BAIAP3: variants seen among roughly 807,000 people sequenced by gnomAD.
BAIAP3 encodes the protein BAI1-associated protein 3.
BAIAP3 carries 180 observed loss-of-function variants against 149.7 expected under a neutral mutation model. The ratio of observed to expected loss-of-function variants is 1.20; its 90% CI spans 1.07 to 1.36. The LOEUF (loss-of-function observed/expected upper bound fraction) is 1.36. Among genes scored for constraint, BAIAP3 ranks in the 40% most tolerant of loss-of-function variants. The pLI is 0.00. For missense variants in BAIAP3, 1,767 were observed against 1,563.4 expected, an observed-to-expected ratio of 1.13 and a Z score of -2.20; for synonymous variants, 845 against 670.7, an observed-to-expected ratio of 1.26 and a Z score of -4.02.
Position 1,347,465 on chromosome 16 carries a change from C to T in BAIAP3, c.2824-80C>T. ...GCTGTGTCCTTGAGCATGAGGTGGC[C>T]CCACGGGCAGTCAGGTCTCCAAGTG... On this transcript the variant is annotated intron_variant, in intron 29 of 33. Coordinates refer to ENST00000426824, the MANE Select transcript of BAIAP3 (RefSeq NM_001199097.2). 4.4e-6 allele frequency: 7 copies of T among 1,580,538 alleles called. No homozygotes were observed. In the South Asian group the frequency reaches 5.7e-5, roughly 13 times the overall value.
chr16:1,339,177 G>A lies in BAIAP3; in HGVS notation c.233G>A (p.Ser78Asn), dbSNP rs971021071. 6 of 1,566,672 alleles carry A rather than the reference G, an allele frequency of 3.8e-6. No homozygotes were observed. The highest frequency in any genetic ancestry group is 5.2e-6 in the Non-Finnish European group (6 of 1,157,444). Residue 78 changes from serine (S) to asparagine (N), a missense_variant, in exon 4 of 34, where the codon AGT becomes AAT. Coordinates refer to ENST00000426824, the MANE Select transcript of BAIAP3 (RefSeq NM_001199097.2). ...CCCCACACACAGGTCCCCCTGCGCA[G>A]TGGCTCGCCAGCACCCCCGGAGCCT... ...GLPCLEVPLR[S>N]GSPAPPEPVD...
intron 15 of BAIAP3, among the ~76,000 whole-genome samples, 155 bp downstream of exon 15, chr16:1,343,668 G>A (rs1342134891): frequency 1.3e-5 from 2 of 152,260 alleles, no homozygotes; most frequent in Non-Finnish European, 2.9e-5. Context: ...CCAGCGCTCT[G>A]CAGAAAGGAG....
chr16:1,347,250 A>T (rs779496840), intron 28 of BAIAP3, 48 bp from the exon 29 acceptor site: 24 of 1,588,268 alleles, frequency 1.5e-5, no homozygotes, highest in Non-Finnish European at 2.1e-5. Context: ...ACCTGTCCCC[A>T]GCACAAGCCA....
Position 1,344,129 on chromosome 16 carries a change from C to T in BAIAP3, c.1494C>T (p.Arg498=). The change falls in exon 16 of 34, where the codon CGC becomes CGT. Residue 498 remains arginine, a synonymous_variant. Coordinates refer to ENST00000426824, the MANE Select transcript of BAIAP3 (RefSeq NM_001199097.2). ...CCACCAACAGCACCGCTGTCCACCG[C>T]CTGGAGCTGCTGCTGAAGTGGGTGC... ...FPATNSTAVH[R]LELLLKCLGK... The T allele has an allele frequency of 6.2e-7, 1 of 1,612,010 alleles. No homozygotes were observed. The highest frequency in any genetic ancestry group is 1.1e-5 in the South Asian group (1 of 91,080).
At chr16:1,345,127 G>A (rs756565612) in intron 21 of BAIAP3, 28 bp downstream of exon 21, 1 of 1,612,154 alleles carries the variant, frequency 6.2e-7, no homozygotes, top group Non-Finnish European at 8.5e-7. Flanking sequence ...ATCTCTTGCA[G>A]ACAGACTTTG....
Position 1,344,677 on chromosome 16 carries a change from T to C in BAIAP3, c.1736T>C (p.Val579Ala). 1 of 1,613,536 alleles carries C rather than the reference T, an allele frequency of 6.2e-7. No individual in the cohort carries two copies. The change falls in exon 19 of 34, where the codon GTG becomes GCG. Residue 579 changes from valine to alanine, a missense_variant. Transcript: ENST00000426824. The stretch of plus-strand genomic sequence containing the variant: ...GATGACCTTCAGTTCTGCTACAGTG[T>C]GTACGCCAGCCTCTTCCACAGGTGG... ...VYDDLQFCYS[V>A]YASLFHSILN...
chr16:1,338,736 T>G lies in BAIAP3; in HGVS notation c.131+56T>G, dbSNP rs1001327512. 2.1e-5 allele frequency: 33 copies of G among 1,561,038 alleles called. No individual in the cohort carries two copies. In the African/African-American group the frequency reaches 4.1e-4, roughly 19 times the overall value. Reference sequence around the variant, plus strand: ...CCACAGGGCCATTTCCCGCCAGACTTCACACATGGCCGCCCCTGCCCCAGC... The same window carrying G: ...CCACAGGGCCATTTCCCGCCAGACTGCACACATGGCCGCCCCTGCCCCAGC... On this transcript the variant is annotated intron_variant, in intron 2 of 33. Coordinates refer to ENST00000426824, the MANE Select transcript of BAIAP3 (RefSeq NM_001199097.2).
chr16:1,346,723 T>G (rs965415339), intron 27 of BAIAP3, 39 bp downstream of exon 27: 37 of 1,516,012 alleles, frequency 2.4e-5, no homozygotes, highest in Non-Finnish European at 3.1e-5. Context: ...GGCTGGCCCG[T>G]GGTCACTGAG....
chr16:1,345,103 G>A lies in BAIAP3; in HGVS notation c.1940+4G>A. The stretch of plus-strand genomic sequence containing the variant: ...TCTGGGATAGCATCCCTGGCCGGTG[G>A]GTGCCCCGTCCCTATCTCTTGCAGA... On this transcript the variant is annotated splice_donor_region_variant and intron_variant, in intron 21 of 33. Transcript: ENST00000426824. 6.2e-7 allele frequency: 1 copy of A among 1,612,498 alleles called. No individual in the cohort carries two copies. Among genetic ancestry groups the A allele is most frequent in the Non-Finnish European group, 8.5e-7 (1 of 1,179,970 alleles).
rs1048988383 is a variant in BAIAP3, at chr16:1,344,109, A to G, written c.1474A>G (p.Asn492Asp). 2 of 1,611,884 alleles carry G rather than the reference A, an allele frequency of 1.2e-6. No individual in the cohort carries two copies. Among genetic ancestry groups the G allele is most frequent in the Admixed American group, 3.3e-5 (2 of 59,992 alleles). Residue 492 changes from asparagine to aspartate, a missense_variant, in exon 16 of 34, where the codon AAC becomes GAC. By Grantham distance (23) the Asn-to-Asp change is conservative (BLOSUM62 1). Coordinates refer to ENST00000426824, the MANE Select transcript of BAIAP3 (RefSeq NM_001199097.2). Reference sequence around the variant, plus strand: ...GCTCCGAGACTACTTCCCTGCCACCAACAGCACCGCTGTCCACCGCCTGGA... The same window carrying G: ...GCTCCGAGACTACTTCCCTGCCACCGACAGCACCGCTGTCCACCGCCTGGA... ...RQLRDYFPAT[N>D]STAVHRLELL...
Position 1,342,282 on chromosome 16 carries a change from G to C in BAIAP3, c.956G>C (p.Arg319Pro), listed in dbSNP as rs765903886. ...DFLGCLNIPVREVPVAGVDRW... is the reference protein window; with the variant it reads ...DFLGCLNIPVPEVPVAGVDRW... Reference sequence around the variant, plus strand: ...CTGGGGTGCCTCAACATACCTGTCCGGGTGAGTGGGTGTGGGGTGGGGCTG... The same window carrying C: ...CTGGGGTGCCTCAACATACCTGTCCCGGTGAGTGGGTGTGGGGTGGGGCTG... The change falls in exon 11 of 34, where the codon CGG (arginine) becomes CCG (proline). Residue 319 changes from arginine (R) to proline (P), a missense_variant and splice_region_variant. Physicochemically the swap from Arg to Pro is moderately radical, Grantham distance 103. Coordinates refer to ENST00000426824, the MANE Select transcript of BAIAP3 (RefSeq NM_001199097.2). 2 of 1,611,816 alleles carry C rather than the reference G, an allele frequency of 1.2e-6. No homozygotes were observed. Among genetic ancestry groups the C allele is most frequent in the African/African-American group, 2.7e-5 (2 of 74,904 alleles).
chr16:1,334,311 G>C (rs539929882), intron 1 of BAIAP3, among the ~76,000 whole-genome samples: 24 of 152,268 alleles, frequency 1.6e-4, no homozygotes, highest in African/African-American at 4.3e-4. Context: ...CGGGGTCTCC[G>C]GGGGAGGAGT....
chr16:1,347,769 G>A lies in BAIAP3; in HGVS notation c.2973G>A (p.Arg991=). Residue 991 remains arginine, a synonymous_variant, in exon 31 of 34, where the codon CGG becomes CGA. Coordinates refer to ENST00000426824, the MANE Select transcript of BAIAP3 (RefSeq NM_001199097.2). ...VRCHYEAAEQ[R]LAVEVLHAAD... Reference sequence around the variant, plus strand: ...GCCATTACGAGGCGGCTGAGCAGCGGCTGGCCGTGGAGGTGCTGCACGCCG... The same window carrying A: ...GCCATTACGAGGCGGCTGAGCAGCGACTGGCCGTGGAGGTGCTGCACGCCG... 6.2e-7 allele frequency: 1 copy of A among 1,609,388 alleles called. No homozygotes were observed. Among genetic ancestry groups the A allele is most frequent in the Middle Eastern group, 1.7e-4 (1 of 6,050 alleles).
At position 1,336,860 on chromosome 16, in the gene BAIAP3, C is replaced by T. The variant is rs574753827; in HGVS notation, c.-10-1680C>T. On this transcript the variant is annotated intron_variant, in intron 1 of 33. Coordinates refer to ENST00000426824, the MANE Select transcript of BAIAP3 (RefSeq NM_001199097.2). ...GGCCAGTGTGCCCAGCCCGGAGGCACCCTCCGCAGGTGGATGAGGGAGCAC... is the reference window on the plus strand; with the variant it reads ...GGCCAGTGTGCCCAGCCCGGAGGCATCCTCCGCAGGTGGATGAGGGAGCAC... 5.9e-5 allele frequency among the ~76,000 whole-genome samples: 9 copies of T among 152,310 alleles called. No homozygotes were observed. In the East Asian group the frequency reaches 1.4e-3, roughly 23 times the overall value.
At chr16:1,334,390 C>T (rs568768013) in intron 1 of BAIAP3, 5 of 498,104 alleles carry the variant, frequency 1.0e-5, no homozygotes, top group Admixed American at 6.6e-5. Flanking sequence ...GGGGAGAGAC[C>T]CCCATAGAAC....
In BAIAP3 at chr16:1,345,877, C is replaced by G. The variant is rs2141608491; in HGVS notation, c.2195C>G (p.Thr732Ser). 6.3e-7 allele frequency: 1 copy of G among 1,576,848 alleles called. No homozygotes were observed. Among genetic ancestry groups the G allele is most frequent in the East Asian group, 2.3e-5 (1 of 43,414 alleles). The change falls in exon 23 of 34, where the codon ACC (threonine) becomes AGC (serine). Residue 732 changes from threonine (T) to serine (S), a missense_variant. By Grantham distance (58) the Thr-to-Ser change is moderately conservative (BLOSUM62 1). Transcript: ENST00000426824. ...CCTGCCCAGGCTCAGGGGCTGGGCA[C>G]CCAGCTTGGCCAGGTGTGTGGGTGG... ...PDPAQAQGLG[T>S]QLGQDVCEAT...
intron 10 of BAIAP3, 58 bp from the exon 11 acceptor site, chr16:1,342,123 G>C (rs770096743): frequency 7.4e-5 from 116 of 1,567,474 alleles, no homozygotes; most frequent in Non-Finnish European, 9.5e-5. Context: ...CATGGGGCCC[G>C]GCGGGCAGTG....
At position 1,348,764 on chromosome 16, in the gene BAIAP3, T is replaced by C. The variant is rs1352263027; in HGVS notation, c.*282T>C. 2.0e-6 allele frequency: 1 copy of C among 494,798 alleles called. No individual in the cohort carries two copies. 30.7% of individuals were successfully genotyped at this position (494,798 alleles called of 1,614,324 possible). On this transcript the variant is annotated 3_prime_UTR_variant, in exon 34 of 34. Coordinates refer to ENST00000426824, the MANE Select transcript of BAIAP3 (RefSeq NM_001199097.2). ...GCAGGCCAGAGCGGGCTTGACCACC[T>C]GGTGGGCCTCCCTGCCCGCTTCCTT... is the stretch of plus-strand genomic sequence containing the variant.
intron 1 of BAIAP3, among the ~76,000 whole-genome samples, chr16:1,335,303 T>C (rs2033383177): frequency 6.6e-6 from 1 of 152,246 alleles, no homozygotes; most frequent in South Asian, 2.1e-4. Flanking sequence ...CAGGAGCTCC[T>C]TGGCGGTCCT....
Sources: allele counts gnomAD v4.1 joint callset (sites outside exome capture counted in the v4.1 genomes callset), GRCh38; gene constraint gnomAD v4.1.1; transcripts MANE v1.5; gene names NCBI Gene and HGNC (gene_info 2026-07-23, HGNC 2026-07-21).